RANBP3L: variants seen among roughly 807,000 people sequenced by gnomAD.
The protein encoded by RANBP3L is RAN binding protein 3 like, also known as ran-binding protein 3-like.
RANBP3L carries 56 observed loss-of-function variants against 67.2 expected under a neutral mutation model. The ratio of observed to expected loss-of-function variants is 0.83; its 90% CI spans 0.67 to 1.04. The LOEUF (loss-of-function observed/expected upper bound fraction) is 1.04. Ranked by LOEUF, RANBP3L falls within the 50% of genes least tolerant of loss-of-function variation. The pLI is 0.00. For synonymous variants in RANBP3L, 164 were observed against 181.4 expected (o/e 0.90, Z 0.77); for missense variants, 496 against 535.5 (o/e 0.93, Z 0.73).
chr5:36,253,674 GTCT>G lies in RANBP3L; in HGVS notation c.1137_1139del (p.Glu379del). On this transcript the variant is annotated inframe_deletion, in exon 12 of 14. Transcript: ENST00000296604. ...GAATTAAAAATATTTTGATGCTATA[GTCT>G]TCTAAATCAGTAGCTGTTATTCGTA... 6.2e-7 allele frequency: 1 copy of G among 1,607,978 alleles called. No homozygotes were observed. Among genetic ancestry groups the G allele is most frequent in the South Asian group, 1.1e-5 (1 of 90,856 alleles).
At chr5:36,281,520 C>T (rs1011852458) in intron 1 of RANBP3L, among the ~76,000 whole-genome samples, 3 of 152,090 alleles carry the variant, frequency 2.0e-5, no homozygotes, top group Admixed American at 1.3e-4. Context: ...GTGAGTTAAA[C>T]GACTATTTTA....
chr5:36,288,385 T>C (rs1459164967), intron 1 of RANBP3L, among the ~76,000 whole-genome samples: 1 of 152,236 alleles, frequency 6.6e-6, no homozygotes, highest in Non-Finnish European at 1.5e-5. Context: ...TACTTGCTTA[T>C]GAACAGTTTT....
rs747336846 is a variant in RANBP3L at position 36,271,303 on chromosome 5, CAG to C, written c.98_99del (p.Ser33CysfsTer10). On this transcript the variant is annotated frameshift_variant, in exon 2 of 14. Transcript: ENST00000296604. LOFTEE classifies it high-confidence loss of function. ...LQEDRRQQEK[S>X]VIAQPIFVFE... ...AAAACAAATATGGGTTGAGCAATGA[CAG>C]ATTTTTCTGTGAAAAAAAAGAAAAC... The C allele has an allele frequency of 9.5e-6, 15 of 1,580,362 alleles. No homozygotes were observed. Among genetic ancestry groups the C allele is most frequent in the Non-Finnish European group, 1.2e-5 (14 of 1,151,708 alleles).
chr5:36,265,848 G>T (rs540252160), intron 4 of RANBP3L, among the ~76,000 whole-genome samples: 8 of 152,056 alleles, frequency 5.3e-5, no homozygotes, highest in African/African-American at 1.7e-4. Context: ...GTGGTGGCAG[G>T]TGCCTGTAAT....
intron 1 of RANBP3L, among the ~76,000 whole-genome samples, chr5:36,294,186 C>T (rs554957675): frequency 7.9e-5 from 12 of 152,108 alleles, no homozygotes; most frequent in East Asian, 3.9e-4. Flanking sequence ...AGTTTATTTG[C>T]GTAGAGGTGT....
Position 36,255,482 on chromosome 5 carries a change from G to C in RANBP3L, c.1012C>G (p.Gln338Glu). The C allele has an allele frequency of 6.2e-7, 1 of 1,610,450 alleles. No individual in the cohort carries two copies. The highest frequency in any genetic ancestry group is 8.5e-7 in the Non-Finnish European group (1 of 1,177,750). The change falls in exon 11 of 14, where the codon CAG becomes GAG. Residue 338 changes from glutamine (Q) to glutamate (E), a missense_variant. Physicochemically the swap from Gln to Glu is conservative, Grantham distance 29. Coordinates refer to ENST00000296604, the MANE Select transcript of RANBP3L (RefSeq NM_145000.5). ...AAGGATTCCTTACTTAGTCTTGACT[G>C]TAATGTTCCACAGTCAGTGCTTGCT... ...DTASTDCGTL[Q>E]SRLIMRNQGS...
intron 3 of RANBP3L, among the ~76,000 whole-genome samples, 197 bp downstream of exon 3, chr5:36,269,754 A>G (rs188619295): frequency 3.3e-5 from 5 of 152,322 alleles, no homozygotes; most frequent in Admixed American, 2.6e-4. Context: ...GTGGAGCACA[A>G]TGAATTTTAG....
intron 1 of RANBP3L, among the ~76,000 whole-genome samples, chr5:36,273,576 C>T (rs1244415507): frequency 6.6e-6 from 1 of 152,144 alleles, no homozygotes; most frequent in Non-Finnish European, 1.5e-5. Context: ...CTTCTTCCAC[C>T]TAGATGCTCT....
rs769641358 is a variant in RANBP3L at position 36,271,286 on chromosome 5, T to C, written c.117A>G (p.Ile39Met). 2.5e-6 allele frequency: 4 copies of C among 1,590,602 alleles called. No individual in the cohort carries two copies. Among genetic ancestry groups the C allele is most frequent in the South Asian group, 2.2e-5 (2 of 90,158 alleles). Residue 39 changes from isoleucine to methionine, a missense_variant, in exon 2 of 14, where the codon ATA becomes ATG. Physicochemically the swap from Ile to Met is conservative, Grantham distance 10. Transcript: ENST00000296604. ...TTTGTTCTCCCTTTTCAAAAACAAA[T>C]ATGGGTTGAGCAATGACAGATTTTT... is the stretch of plus-strand genomic sequence containing the variant. ...QQEKSVIAQP[I>M]FVFEKGEQTF...
chr5:36,276,448 A>G (rs1327631627), intron 1 of RANBP3L, among the ~76,000 whole-genome samples: 1 of 152,012 alleles, frequency 6.6e-6, no homozygotes, highest in Non-Finnish European at 1.5e-5. Flanking sequence ...TAATCTCTTG[A>G]TGTGCTTAAT....
At chr5:36,294,387 G>C (rs970448982) in intron 1 of RANBP3L, among the ~76,000 whole-genome samples, 5 of 151,578 alleles carry the variant, frequency 3.3e-5, no homozygotes, top group Admixed American at 2.6e-4. Flanking sequence ...AGGGTTTTTT[G>C]TGTCTCTATT....
At chr5:36,256,381 C>T (rs80205855) in intron 10 of RANBP3L, among the ~76,000 whole-genome samples, 2,128 of 152,124 alleles carry the variant, frequency 0.014, 55 homozygotes, top group African/African-American at 0.048. Flanking sequence ...AAATTTCTGC[C>T]TTGTTGGGAA....
intron 1 of RANBP3L, among the ~76,000 whole-genome samples, chr5:36,287,899 C>T (rs970389103): frequency 1.3e-5 from 2 of 152,102 alleles, no homozygotes; most frequent in Non-Finnish European, 2.9e-5. Flanking sequence ...CAGTAGGATA[C>T]GTTATGTTCT....
chr5:36,281,712 C>A (rs970120173), intron 1 of RANBP3L, among the ~76,000 whole-genome samples: 1 of 152,192 alleles, frequency 6.6e-6, no homozygotes, highest in African/African-American at 2.4e-5. Flanking sequence ...TATTTGTACA[C>A]ATTCTGACTC....
intron 1 of RANBP3L, among the ~76,000 whole-genome samples, chr5:36,282,923 C>T (rs1280133005): frequency 6.6e-6 from 1 of 152,118 alleles, no homozygotes; most frequent in African/African-American, 2.4e-5. Context: ...TATATTATTG[C>T]ACCATATCAG....
At chr5:36,252,292 G>A (rs986452500) in intron 12 of RANBP3L, among the ~76,000 whole-genome samples, 2 of 151,914 alleles carry the variant, frequency 1.3e-5, no homozygotes, top group Non-Finnish European at 2.9e-5. Flanking sequence ...GGGATTAATG[G>A]AATAAATTAT....
intron 1 of RANBP3L, among the ~76,000 whole-genome samples, chr5:36,291,205 C>T (rs1008108591): frequency 1.3e-5 from 2 of 152,060 alleles, no homozygotes; most frequent in African/African-American, 2.4e-5. Context: ...CATTAAACAA[C>T]ATATCCTCAA....
chr5:36,269,919 T>C (rs1254398600), intron 3 of RANBP3L, 32 bp downstream of exon 3: 3 of 1,577,558 alleles, frequency 1.9e-6, no homozygotes, highest in Non-Finnish European at 2.6e-6. Flanking sequence ...TGTATAAAGA[T>C]TGATTTTGGA....
At chr5:36,278,970 G>A (rs1032481065) in intron 1 of RANBP3L, among the ~76,000 whole-genome samples, 2 of 152,112 alleles carry the variant, frequency 1.3e-5, no homozygotes, top group African/African-American at 2.4e-5. Context: ...ATTTAAGCTG[G>A]AAGCATAAAC....
Sources: gnomAD v4.1 joint callset for allele counts (sites outside exome capture counted in the v4.1 genomes callset) on GRCh38, gnomAD v4.1.1 for gene constraint, MANE v1.5 for transcripts, NCBI Gene and HGNC (gene_info 2026-07-23, HGNC 2026-07-21) for gene names.